Variants in SMYD3 observed in about 807,000 individuals in gnomAD.
SMYD3 encodes histone-lysine N-methyltransferase SMYD3.
SMYD3 carries 36 observed loss-of-function variants against 57.7 expected under a neutral mutation model. The ratio of observed to expected loss-of-function variants is 0.62; its 90% CI spans 0.48 to 0.82. SMYD3 has a LOEUF of 0.82. Among genes scored for constraint, SMYD3 ranks in the 40% least tolerant of loss-of-function variants. The probability of loss-of-function intolerance (pLI) is 0.00; values close to 1 mark genes in which losing one functional copy is unlikely to be tolerated. For synonymous variants in SMYD3, 211 were observed against 195.0 expected (o/e 1.08, Z -0.68); for missense variants, 515 against 538.8 (o/e 0.96, Z 0.44).
At chr1:245,868,252 C>T (rs917514700) in intron 8 of SMYD3, among the ~76,000 whole-genome samples, 2 of 152,152 alleles carry the variant, frequency 1.3e-5, no homozygotes, top group Admixed American at 6.5e-5. Flanking sequence ...CCCTAATTGC[C>T]GAGGTAGGAT....
chr1:245,908,323 C>T (rs1253151991), intron 8 of SMYD3, among the ~76,000 whole-genome samples: 1 of 152,074 alleles, frequency 6.6e-6, no homozygotes, highest in East Asian at 1.9e-4. Context: ...AACATATATG[C>T]GCCCAAACTG....
rs187855784 is a variant in SMYD3 at position 246,218,507 on chromosome 1, G to C, written c.531+108694C>G. Among the ~76,000 whole-genome samples, 111 of 152,184 alleles carry C rather than the reference G, an allele frequency of 7.3e-4. 2 individuals are homozygous for C. The highest frequency in any genetic ancestry group is 7.1e-3 in the Admixed American group (108 of 15,302). On this transcript the variant is annotated intron_variant, in intron 5 of 11. Coordinates refer to ENST00000490107, the MANE Select transcript of SMYD3 (RefSeq NM_001167740.2). ...GGGGTGGCGGGCGGCTGTAGTCCCA[G>C]CTACTCTGGAGGCTGAGGCAGGAGA...
intron 5 of SMYD3, among the ~76,000 whole-genome samples, chr1:245,936,544 G>A (rs1171179720): frequency 1.3e-5 from 2 of 152,108 alleles, no homozygotes; most frequent in Non-Finnish European, 2.9e-5. Context: ...GAAGCATCAG[G>A]TCATGAAAGC....
chr1:246,168,962 A>G (rs765317243), intron 5 of SMYD3, among the ~76,000 whole-genome samples: 6 of 152,202 alleles, frequency 3.9e-5, no homozygotes, highest in Admixed American at 1.3e-4. Context: ...ATCACCTGCT[A>G]TGTACTCTGG....
At chr1:246,231,058 T>A (rs1238172463) in intron 5 of SMYD3, among the ~76,000 whole-genome samples, 2 of 152,240 alleles carry the variant, frequency 1.3e-5, no homozygotes, top group Non-Finnish European at 2.9e-5. Context: ...CCAGAGAATT[T>A]TTCCGATTAC....
chr1:245,952,315 G>A (rs1446654821), intron 5 of SMYD3, among the ~76,000 whole-genome samples: 2 of 151,946 alleles, frequency 1.3e-5, no homozygotes, highest in African/African-American at 4.8e-5. Context: ...AGGAAACAAG[G>A]CATGAAAAGA....
intron 1 of SMYD3, among the ~76,000 whole-genome samples, chr1:246,457,804 T>C (rs1477392688): frequency 6.6e-6 from 1 of 152,182 alleles, no homozygotes; most frequent in Non-Finnish European, 1.5e-5. Flanking sequence ...CCTGCAGAAA[T>C]AGCTCAAATG....
intron 5 of SMYD3, among the ~76,000 whole-genome samples, chr1:245,971,071 G>A (rs2058288678): frequency 6.6e-6 from 1 of 152,180 alleles, no homozygotes; most frequent in South Asian, 2.1e-4. Flanking sequence ...TGATAGACTA[G>A]ATACAGAAAA....
chr1:246,362,045 C>T (rs1572420098), intron 1 of SMYD3, among the ~76,000 whole-genome samples: 1 of 152,288 alleles, frequency 6.6e-6, no homozygotes, highest in South Asian at 2.1e-4. Flanking sequence ...TACGCACCCC[C>T]AGCACCGCCC....
In SMYD3 at chr1:245,880,496, C is replaced by T. The variant is rs111689461; in HGVS notation, c.814-16610G>A. On this transcript the variant is annotated intron_variant, in intron 8 of 11. Transcript: ENST00000490107. ...AGTTTCAGAGATGGCCAACTGCAGG[C>T]CAAATAACAACAACAACATTTACTG... Among the ~76,000 whole-genome samples, 586 of 152,242 alleles carry T rather than the reference C, an allele frequency of 3.8e-3. 6 individuals carry two copies. The highest frequency in any genetic ancestry group is 0.013 in the African/African-American group (557 of 41,540).
intron 5 of SMYD3, among the ~76,000 whole-genome samples, chr1:246,023,807 C>CTCTG (rs374649828): frequency 1.4e-5 from 2 of 139,612 alleles, no homozygotes; most frequent in East Asian, 2.2e-4. Context: ...TATTACAAAA[C>CTCTG]TGTGTGTGTG....
chr1:246,310,124 A>T (rs1269075233), intron 5 of SMYD3, among the ~76,000 whole-genome samples: 4 of 152,176 alleles, frequency 2.6e-5, no homozygotes, highest in Non-Finnish European at 4.4e-5. Flanking sequence ...ACTGAATTCT[A>T]TGTTTATCAT....
At chr1:246,028,731 T>C (rs1323613592) in intron 5 of SMYD3, among the ~76,000 whole-genome samples, 1 of 152,142 alleles carries the variant, frequency 6.6e-6, no homozygotes, top group Admixed American at 6.5e-5. Flanking sequence ...TTTTTTTAAA[T>C]CCTAAAATTT....
intron 1 of SMYD3, among the ~76,000 whole-genome samples, chr1:246,470,521 AT>A (rs59986117): frequency 0.14 from 19,288 of 138,260 alleles, 1,956 homozygotes; most frequent in African/African-American, 0.29. Flanking sequence ...AAAAAAAAAA[AT>A]ATATATATAT....
intron 1 of SMYD3, among the ~76,000 whole-genome samples, chr1:246,478,882 CCG>C (rs2068064196): frequency 2.2e-5 from 3 of 138,228 alleles, no homozygotes; most frequent in African/African-American, 2.6e-5. Context: ...CACCTGTCCT[CCG>C]TCCTGGAGCT....
intron 10 of SMYD3, among the ~76,000 whole-genome samples, chr1:245,857,315 G>A (rs143450416): frequency 5.0e-4 from 76 of 152,306 alleles, no homozygotes; most frequent in African/African-American, 1.6e-3. Context: ...CCTGGCTCAC[G>A]CCTGGCTTCC....
At chr1:245,850,746 G>A (rs2050927207) in intron 10 of SMYD3, among the ~76,000 whole-genome samples, 2 of 152,124 alleles carry the variant, frequency 1.3e-5, no homozygotes, top group Non-Finnish European at 2.9e-5. Flanking sequence ...TAAAATAGCT[G>A]CATAAACAAA....
rs1253613428 is a variant in SMYD3 at position 246,002,700 on chromosome 1, C to T, written c.532-72763G>A. Reference sequence around the variant, plus strand: ...ATCTCCTGACCTCGTGATCCGACCGCCTCAGCCTCCCAAAGTGCTGGGATG... The same window carrying T: ...ATCTCCTGACCTCGTGATCCGACCGTCTCAGCCTCCCAAAGTGCTGGGATG... On this transcript the variant is annotated intron_variant, in intron 5 of 11. Coordinates refer to ENST00000490107, the MANE Select transcript of SMYD3 (RefSeq NM_001167740.2). Among the ~76,000 whole-genome samples the T allele has an allele frequency of 2.6e-5, 4 of 151,524 alleles. 1 individual carries two copies. The highest frequency in any genetic ancestry group is 4.4e-5 in the Non-Finnish European group (3 of 67,814).
chr1:246,077,110 C>T (rs2060562466), intron 5 of SMYD3, among the ~76,000 whole-genome samples: 1 of 152,114 alleles, frequency 6.6e-6, no homozygotes, highest in Non-Finnish European at 1.5e-5. Context: ...CTCAGTATGG[C>T]TGGAGCATAC....
Sources: gnomAD v4.1 joint callset for allele counts (sites outside exome capture counted in the v4.1 genomes callset) on GRCh38, gnomAD v4.1.1 for gene constraint, MANE v1.5 for transcripts, NCBI Gene and HGNC (gene_info 2026-07-23, HGNC 2026-07-21) for gene names.